Variants in RASGEF1B observed in about 807,000 individuals in gnomAD.
RASGEF1B encodes the protein RasGEF domain family member 1B, also known as ras-GEF domain-containing family member 1B.
A neutral mutation model predicts 65.7 loss-of-function variants in RASGEF1B; 30 were observed. That is an observed-to-expected ratio of 0.46 (90% confidence interval 0.34 to 0.62). The LOEUF (loss-of-function observed/expected upper bound fraction) is 0.62, where lower values mean the gene tolerates loss of function less well. Among genes scored for constraint, RASGEF1B ranks in the 20% least tolerant of loss-of-function variants. RASGEF1B has a pLI of 0.01. For synonymous variants in RASGEF1B, 175 were observed against 194.8 expected, an observed-to-expected ratio of 0.90 and a Z score of 0.85; for missense variants, 495 against 580.1, an observed-to-expected ratio of 0.85 and a Z score of 1.51.
At position 81,450,496 on chromosome 4, in the gene RASGEF1B, G is replaced by C. The variant is rs187362829; in HGVS notation, c.439-2212C>G. ...TTCTCGTGCCTCAGCCTCCTGAATAGCTGGGATTACAAGTGTGTGCCACCA... is the reference window on the plus strand; with the variant it reads ...TTCTCGTGCCTCAGCCTCCTGAATACCTGGGATTACAAGTGTGTGCCACCA... On this transcript the variant is annotated intron_variant, in intron 4 of 13. Transcript: ENST00000264400. Among the ~76,000 whole-genome samples the C allele has an allele frequency of 3.0e-4, 46 of 152,244 alleles. No individual in the cohort carries two copies. In the East Asian group the frequency reaches 8.9e-3, roughly 29 times the overall value.
At chr4:81,450,121 T>C (rs776645339) in intron 4 of RASGEF1B, among the ~76,000 whole-genome samples, 3 of 151,998 alleles carry the variant, frequency 2.0e-5, no homozygotes, top group Non-Finnish European at 2.9e-5. Context: ...GGGAAATGTC[T>C]TTTTTTTGGA....
intron 4 of RASGEF1B, chr4:81,453,000 A>G (rs1722317721): frequency 6.8e-6 from 1 of 147,438 alleles, no homozygotes; most frequent in Admixed American, 6.7e-5. Flanking sequence ...GACTGCCAAA[A>G]GGAGAAAAAA....
chr4:81,457,730 G>T, intron 2 of RASGEF1B, 109 bp from the exon 3 acceptor site: 2 of 1,271,806 alleles, frequency 1.6e-6, no homozygotes, highest in Non-Finnish European at 1.1e-6. Flanking sequence ...TTCATATGCT[G>T]CAGTTTCAAA....
At chr4:81,450,982 G>T (rs140957697) in intron 4 of RASGEF1B, 1 of 152,230 alleles carries the variant, frequency 6.6e-6, no homozygotes, top group Non-Finnish European at 1.5e-5. Flanking sequence ...TAATAATTAT[G>T]CAAATATTTC....
rs138172872 is a variant in RASGEF1B, at chr4:81,436,184, C to T, written c.1105-1450G>A. Among the ~76,000 whole-genome samples the T allele has an allele frequency of 4.2e-3, 646 of 152,094 alleles. 9 individuals are homozygous for T. The highest frequency in any genetic ancestry group is 0.015 in the African/African-American group (619 of 41,530). On this transcript the variant is annotated intron_variant, in intron 10 of 13. Coordinates refer to ENST00000264400, the MANE Select transcript of RASGEF1B (RefSeq NM_152545.3). ...AAGATAAACTTTTTTTTTAGATAAA[C>T]ATTTTATTTCTTCTTGAAGACATTC...
chr4:81,437,862 T>C (rs2109970992), intron 10 of RASGEF1B, among the ~76,000 whole-genome samples: 1 of 152,346 alleles, frequency 6.6e-6, no homozygotes, highest in East Asian at 1.9e-4. Flanking sequence ...TCTAATATAG[T>C]GAAAATCAGA....
At chr4:81,444,981 G>T (rs1298714490) in intron 8 of RASGEF1B, among the ~76,000 whole-genome samples, 1 of 152,120 alleles carries the variant, frequency 6.6e-6, no homozygotes, top group African/African-American at 2.4e-5. Flanking sequence ...GTATAAATTG[G>T]AACAACCAAG....
chr4:81,431,866 G>C (rs184248575), intron 13 of RASGEF1B, among the ~76,000 whole-genome samples: 1 of 152,136 alleles, frequency 6.6e-6, no homozygotes, highest in Non-Finnish European at 1.5e-5. Context: ...CTCAAACAAA[G>C]AGGGGACTGA....
intron 13 of RASGEF1B, among the ~76,000 whole-genome samples, chr4:81,428,623 G>A (rs975273325): frequency 6.6e-6 from 1 of 152,164 alleles, no homozygotes; most frequent in African/African-American, 2.4e-5. Flanking sequence ...GTAATCTAGA[G>A]ATGACTTAAA....
intron 12 of RASGEF1B, 114 bp downstream of exon 12, chr4:81,433,726 G>A: frequency 9.4e-7 from 1 of 1,069,180 alleles, no homozygotes; most frequent in Non-Finnish European, 1.4e-6. Flanking sequence ...TCTTAACATG[G>A]AACAGATCAG....
At chr4:81,466,817 A>AGAAAGGAAG (rs1560713816) in intron 1 of RASGEF1B, among the ~76,000 whole-genome samples, 9 of 149,724 alleles carry the variant, frequency 6.0e-5, no homozygotes, top group African/African-American at 2.3e-4. Context: ...AAAGAAAGAA[A>AGAAAGGAAG]GAAAGAAAAT....
At chr4:81,448,957 G>C (rs974447114) in intron 4 of RASGEF1B, among the ~76,000 whole-genome samples, 5 of 152,132 alleles carry the variant, frequency 3.3e-5, no homozygotes, top group Non-Finnish European at 5.9e-5. Context: ...TGGGATTACA[G>C]GCATGTGCCA....
At chr4:81,465,079 C>T (rs1023827220) in intron 1 of RASGEF1B, among the ~76,000 whole-genome samples, 1 of 143,742 alleles carries the variant, frequency 7.0e-6, no homozygotes, top group Non-Finnish European at 1.5e-5. Flanking sequence ...GGCAAAACTC[C>T]ATCTCAAAAA....
At chr4:81,440,231 C>G (rs77033623) in intron 10 of RASGEF1B, among the ~76,000 whole-genome samples, 2,699 of 152,164 alleles carry the variant, frequency 0.018, 74 homozygotes, top group African/African-American at 0.061. Flanking sequence ...CAAAATGTGC[C>G]AAGAAAGGAC....
At chr4:81,457,292 C>T (rs553050598) in intron 3 of RASGEF1B, among the ~76,000 whole-genome samples, 1 of 152,338 alleles carries the variant, frequency 6.6e-6, no homozygotes, top group East Asian at 1.9e-4. Context: ...GCTGGGATTA[C>T]AGGCGTGAGC....
At chr4:81,467,406 T>C (rs74805290) in intron 1 of RASGEF1B, among the ~76,000 whole-genome samples, 4,018 of 152,262 alleles carry the variant, frequency 0.026, 167 homozygotes, top group African/African-American at 0.092. Flanking sequence ...AAACCACAAA[T>C]GACATTTCGG....
rs1004621879 is a variant in RASGEF1B, at chr4:81,427,783, G to A, written c.1407C>T (p.Leu469=). The A allele has an allele frequency of 6.2e-7, 1 of 1,614,026 alleles. No homozygotes were observed. The highest frequency in any genetic ancestry group is 8.5e-7 in the Non-Finnish European group (1 of 1,180,010). ...KDRWKSLRSS[L]LGRV Reference sequence around the variant, plus strand: ...CTCCCATGTGTTAAACTCTGCCTAAGAGGCTCGACCTGAGTAATAAAAACA... The same window carrying A: ...CTCCCATGTGTTAAACTCTGCCTAAAAGGCTCGACCTGAGTAATAAAAACA... Residue 469 remains leucine (L), a synonymous_variant, in exon 14 of 14, where the codon CTC becomes CTT. Transcript: ENST00000264400.
chr4:81,439,919 T>C (rs570069379), intron 10 of RASGEF1B, among the ~76,000 whole-genome samples: 2 of 152,350 alleles, frequency 1.3e-5, no homozygotes, highest in South Asian at 4.1e-4. Flanking sequence ...TCAGATCTGA[T>C]TGAGAACCAA....
intron 4 of RASGEF1B, chr4:81,451,284 C>G (rs546935927): frequency 4.1e-4 from 63 of 152,294 alleles, no homozygotes; most frequent in African/African-American, 1.4e-3. Flanking sequence ...ACAAATTTAA[C>G]TTGTTTGTGT....
Sources: gnomAD v4.1 joint callset for allele counts (sites outside exome capture counted in the v4.1 genomes callset) on GRCh38, gnomAD v4.1.1 for gene constraint, MANE v1.5 for transcripts, NCBI Gene and HGNC (gene_info 2026-07-23, HGNC 2026-07-21) for gene names.